The following SPOCK3 variants were observed in gnomAD, a reference collection of about 807,000 sequenced individuals.
SPOCK3 encodes SPARC (osteonectin), cwcv and kazal like domains proteoglycan 3, also known as testican-3.
SPOCK3 carries 30 observed loss-of-function variants against 56.6 expected under a neutral mutation model. The ratio of observed to expected loss-of-function variants is 0.53; its 90% CI spans 0.40 to 0.72. The LOEUF is 0.72. SPOCK3 is among the 30% of genes least tolerant of loss of function. The probability of loss-of-function intolerance (pLI) is 0.00; values close to 1 mark genes in which losing one functional copy is unlikely to be tolerated. For missense variants in SPOCK3, 527 were observed against 530.0 expected (o/e 0.99, Z 0.06); for synonymous variants, 196 against 183.3 (o/e 1.07, Z -0.56).
chr4:167,144,446 T>C (rs1420124580), intron 2 of SPOCK3, among the ~76,000 whole-genome samples: 1 of 151,800 alleles, frequency 6.6e-6, no homozygotes. Flanking sequence ...GCTGTTTACA[T>C]TTCATACATT....
intron 2 of SPOCK3, among the ~76,000 whole-genome samples, chr4:167,213,445 G>T (rs1302182982): frequency 6.6e-6 from 1 of 151,914 alleles, no homozygotes; most frequent in Non-Finnish European, 1.5e-5. Flanking sequence ...TTATAAAAAA[G>T]GTTATGTGAT....
At chr4:167,125,201 T>TTATGTATG (rs1346912514) in intron 2 of SPOCK3, among the ~76,000 whole-genome samples, 1 of 145,662 alleles carries the variant, frequency 6.9e-6, no homozygotes, top group Non-Finnish European at 1.5e-5. Context: ...TTTTATTTAT[T>TTATGTATG]TATTTATTTA....
chr4:167,168,726 A>C (rs1730223622), intron 2 of SPOCK3, among the ~76,000 whole-genome samples: 1 of 152,160 alleles, frequency 6.6e-6, no homozygotes, highest in Non-Finnish European at 1.5e-5. Context: ...AAATTTGCGT[A>C]AGTAACAAGG....
intron 6 of SPOCK3, among the ~76,000 whole-genome samples, chr4:166,872,520 C>T (rs533819901): frequency 5.5e-4 from 83 of 152,178 alleles, no homozygotes; most frequent in African/African-American, 1.8e-3. Flanking sequence ...GTTTTACTCA[C>T]GGTTGCCAAA....
chr4:167,230,500 C>CAA (rs35421281), intron 2 of SPOCK3, among the ~76,000 whole-genome samples: 3,205 of 85,742 alleles, frequency 0.037, 147 homozygotes, highest in African/African-American at 0.11. Flanking sequence ...AGCCCCCCAC[C>CAA]AAAAAAAAAA....
chr4:166,885,619 A>T (rs1456280634), intron 6 of SPOCK3, among the ~76,000 whole-genome samples: 1 of 152,036 alleles, frequency 6.6e-6, no homozygotes, highest in East Asian at 1.9e-4. Flanking sequence ...TTCACCTGTT[A>T]CTTTTTAAAA....
chr4:167,106,446 T>G (rs1580309232), intron 2 of SPOCK3, among the ~76,000 whole-genome samples: 1 of 151,682 alleles, frequency 6.6e-6, no homozygotes, highest in Non-Finnish European at 1.5e-5. Flanking sequence ...AAATGATAAT[T>G]AAAACACAAT....
intron 4 of SPOCK3, among the ~76,000 whole-genome samples, chr4:166,920,430 G>C (rs1738360395): frequency 6.6e-6 from 1 of 152,010 alleles, no homozygotes; most frequent in Admixed American, 6.6e-5. Context: ...GGTATGAATT[G>C]GTTCTATTTA....
chr4:167,028,998 G>C (rs973836251), intron 3 of SPOCK3, among the ~76,000 whole-genome samples: 1 of 151,852 alleles, frequency 6.6e-6, no homozygotes, highest in South Asian at 2.1e-4. Context: ...GTGCCATGGT[G>C]GTTTCCTGCA....
Position 167,000,431 on chromosome 4 carries a change from T to A in SPOCK3, c.268A>T (p.Met90Leu). 4.4e-6 allele frequency: 7 copies of A among 1,604,924 alleles called. No individual in the cohort carries two copies. Among genetic ancestry groups the A allele is most frequent in the Non-Finnish European group, 6.0e-6 (7 of 1,174,232 alleles). Residue 90 changes from methionine (M) to leucine (L), a missense_variant, in exon 4 of 11, where the codon ATG (methionine) becomes TTG (leucine). By Grantham distance (15) the Met-to-Leu change is conservative. Coordinates refer to ENST00000357545, the MANE Select transcript of SPOCK3 (RefSeq NM_001040159.2). ...CATACTTTATGGCGACTACATTTCA[T>A]CTTTAAGCATGGATCCTTAGCTGGA... ...LDPAKDPCLK[M>L]KCSRHKVCIA... is the part of the protein sequence containing the mutation.
intron 2 of SPOCK3, among the ~76,000 whole-genome samples, chr4:167,118,211 A>G (rs1761588840): frequency 6.6e-6 from 1 of 152,266 alleles, no homozygotes; most frequent in African/African-American, 2.4e-5. Context: ...ATTATAATTA[A>G]TCCAAAAAGT....
chr4:166,770,765 T>G (rs1366850912), intron 7 of SPOCK3, among the ~76,000 whole-genome samples: 3 of 152,152 alleles, frequency 2.0e-5, no homozygotes, highest in Non-Finnish European at 4.4e-5. Context: ...AATGCTATGC[T>G]GTCTCTAAGA....
intron 2 of SPOCK3, among the ~76,000 whole-genome samples, chr4:167,073,973 G>T (rs1381745398): frequency 6.6e-6 from 1 of 151,364 alleles, no homozygotes; most frequent in Non-Finnish European, 1.5e-5. Context: ...GTATATCTTG[G>T]AGTTTGTCCC....
At chr4:167,105,065 T>A (rs1042379531) in intron 2 of SPOCK3, among the ~76,000 whole-genome samples, 4 of 152,028 alleles carry the variant, frequency 2.6e-5, no homozygotes, top group Admixed American at 2.6e-4. Flanking sequence ...AAACAAAAGC[T>A]GAGGGATTTC....
intron 4 of SPOCK3, among the ~76,000 whole-genome samples, chr4:166,949,543 A>T (rs1742249885): frequency 2.0e-5 from 3 of 152,040 alleles, no homozygotes; most frequent in African/African-American, 7.2e-5. Context: ...TCTGTTCGTT[A>T]GTTTTCCTTC....
At chr4:167,215,545 G>T (rs1735276670) in intron 2 of SPOCK3, among the ~76,000 whole-genome samples, 1 of 152,172 alleles carries the variant, frequency 6.6e-6, no homozygotes, top group African/African-American at 2.4e-5. Context: ...AAAACTCACT[G>T]TGAGGAAGAC....
At position 167,206,767 on chromosome 4, in the gene SPOCK3, T is replaced by G. The variant is rs540149627; in HGVS notation, c.189+27218A>C. ...TGTGATGGTCCTGGACTTGGAGATT[T>G]TTAGTGTAATGAAAAACTTATGTTG... On this transcript the variant is annotated intron_variant, in intron 2 of 10. Coordinates refer to ENST00000357545, the MANE Select transcript of SPOCK3 (RefSeq NM_001040159.2). 6.0e-4 allele frequency among the ~76,000 whole-genome samples: 91 copies of G among 152,180 alleles called. 1 individual carries two copies. Among genetic ancestry groups the G allele is most frequent in the African/African-American group, 2.1e-3 (86 of 41,550 alleles).
intron 2 of SPOCK3, among the ~76,000 whole-genome samples, chr4:167,175,032 G>A (rs1730858324): frequency 6.6e-6 from 1 of 152,070 alleles, no homozygotes; most frequent in Non-Finnish European, 1.5e-5. Flanking sequence ...TGCTATGTTA[G>A]ACAAGCTATT....
chr4:167,202,057 T>C (rs531225506), intron 2 of SPOCK3, among the ~76,000 whole-genome samples: 2 of 151,982 alleles, frequency 1.3e-5, no homozygotes, highest in African/African-American at 2.4e-5. Context: ...AAAAATTAAG[T>C]GTAATTTATT....
Sources: allele counts gnomAD v4.1 joint callset (sites outside exome capture counted in the v4.1 genomes callset), GRCh38; gene constraint gnomAD v4.1.1; transcripts MANE v1.5; gene names NCBI Gene and HGNC (gene_info 2026-07-23, HGNC 2026-07-21).